The following ZC3HAV1L variants were observed in gnomAD, a reference collection of about 807,000 sequenced individuals.
ZC3HAV1L encodes the protein ZC3HAV1 like.
ZC3HAV1L carries 23 observed loss-of-function variants against 28.2 expected under a neutral mutation model. The ratio of observed to expected loss-of-function variants is 0.82; its 90% CI spans 0.59 to 1.16. The LOEUF (loss-of-function observed/expected upper bound fraction) is 1.16. ZC3HAV1L is among the 50% of genes most tolerant of loss of function. The pLI is 0.00. For synonymous variants in ZC3HAV1L, 180 were observed against 163.4 expected (o/e 1.10, Z -0.78); for missense variants, 376 against 387.7 (o/e 0.97, Z 0.25).
intron 2 of ZC3HAV1L, among the ~76,000 whole-genome samples, chr7:139,033,366 C>T (rs1476550086): frequency 6.6e-6 from 1 of 152,118 alleles, no homozygotes; most frequent in African/African-American, 2.4e-5. Context: ...GAAATTTGTC[C>T]ATCAATGCAC....
At chr7:139,030,041 T>G (rs375819310) in intron 2 of ZC3HAV1L, among the ~76,000 whole-genome samples, 32 of 152,332 alleles carry the variant, frequency 2.1e-4, no homozygotes, top group Non-Finnish European at 4.7e-4. Flanking sequence ...GAAATAGAAC[T>G]GTCCAGGTTT....
In ZC3HAV1L at chr7:139,035,793, G is replaced by A. The variant is rs1389615990; in HGVS notation, c.225C>T (p.Gly75=). 7.4e-6 allele frequency: 11 copies of A among 1,490,162 alleles called. No individual in the cohort carries two copies. The Admixed American group carries it at 9.0e-5, about 12-fold the overall frequency. 92.3% of individuals were successfully genotyped at this position (1,490,162 alleles called of 1,614,324 possible). ...AEAAAGAVGG[G]GTSAWRVVAV... ...CCACCACCCTCCAGGCGGAGGTGCC[G>A]CCACCGCCCACCGCGCCGGCCGCCG... The change falls in exon 1 of 5, where the codon GGC becomes GGT. Residue 75 remains glycine, a synonymous_variant. Transcript: ENST00000275766.
intron 2 of ZC3HAV1L, chr7:139,033,912 G>A (rs1815612881): frequency 2.0e-6 from 2 of 985,356 alleles, no homozygotes; most frequent in Non-Finnish European, 2.4e-6. Flanking sequence ...AACATGGTTG[G>A]TTGGAATGCC....
intron 1 of ZC3HAV1L, 135 bp downstream of exon 1, chr7:139,035,518 C>T: frequency 1.5e-6 from 2 of 1,311,142 alleles, no homozygotes; most frequent in Non-Finnish European, 1.9e-6. Context: ...GAAAGGCCTG[C>T]GGGAGGGGGT....
chr7:139,032,268 G>A (rs923772387), intron 2 of ZC3HAV1L, among the ~76,000 whole-genome samples: 18 of 152,062 alleles, frequency 1.2e-4, no homozygotes, highest in African/African-American at 2.4e-4. Context: ...TATGTAGGTC[G>A]AAGGGAACAA....
At chr7:139,023,107 G>A (rs1053227265), downstream of ZC3HAV1L, among the ~76,000 whole-genome samples, 3 of 150,338 alleles carry the variant, frequency 2.0e-5, no homozygotes, top group East Asian at 1.9e-4. Flanking sequence ...CCTGGGAGAC[G>A]GAGGTTGCAG....
downstream of ZC3HAV1L, among the ~76,000 whole-genome samples, chr7:139,025,318 C>G (rs767922615): frequency 6.6e-6 from 1 of 152,064 alleles, no homozygotes; most frequent in African/African-American, 2.4e-5. Flanking sequence ...CGTGGTGGCT[C>G]ATGCCTGTAA....
chr7:139,032,382 C>T (rs1815559847), intron 2 of ZC3HAV1L, among the ~76,000 whole-genome samples: 1 of 152,054 alleles, frequency 6.6e-6, no homozygotes, highest in African/African-American at 2.4e-5. Context: ...CACCTATAAT[C>T]CCAGCACTCT....
At chr7:139,031,922 A>C (rs985384277) in intron 2 of ZC3HAV1L, among the ~76,000 whole-genome samples, 1 of 151,932 alleles carries the variant, frequency 6.6e-6, no homozygotes, top group South Asian at 2.1e-4. Flanking sequence ...CAAAACAAAA[A>C]AAAGTAGCTG....
At chr7:139,029,027 G>C (rs1815445760) in intron 2 of ZC3HAV1L, 67 bp from the exon 3 acceptor site, 1 of 1,519,554 alleles carries the variant, frequency 6.6e-7, no homozygotes, top group South Asian at 1.3e-5. Flanking sequence ...CGGGGAGATG[G>C]AGTCTCGCTC....
chr7:139,024,601 G>A (rs199827468), downstream of ZC3HAV1L, among the ~76,000 whole-genome samples: 24 of 152,184 alleles, frequency 1.6e-4, 1 homozygote, highest in East Asian at 1.9e-3. Context: ...CAGAAATATC[G>A]TTGACAATGA....
intron 2 of ZC3HAV1L, among the ~76,000 whole-genome samples, chr7:139,029,337 AG>A (rs1397349163): frequency 6.6e-6 from 1 of 152,180 alleles, no homozygotes; most frequent in African/African-American, 2.4e-5. Context: ...TTAAGCCAAA[AG>A]ACTATAGCTT....
intron 1 of ZC3HAV1L, chr7:139,035,195 C>A (rs1403657450): frequency 1.0e-6 from 1 of 985,196 alleles, no homozygotes; most frequent in East Asian, 1.1e-4. Context: ...TGGCTCAGCG[C>A]TGTTAAACCT....
chr7:139,033,301 C>T (rs985526268), intron 2 of ZC3HAV1L, among the ~76,000 whole-genome samples: 1 of 152,018 alleles, frequency 6.6e-6, no homozygotes, highest in African/African-American at 2.4e-5. Context: ...TTTTATGACA[C>T]TATTTTGGCT....
intron 4 of ZC3HAV1L, 34 bp downstream of exon 4, chr7:139,026,674 T>G (rs1376422551): frequency 3.7e-6 from 6 of 1,612,610 alleles, no homozygotes; most frequent in African/African-American, 2.7e-5. Flanking sequence ...TGGACAAGCT[T>G]CTTCTTAGTT....
At chr7:139,032,657 AAAAAT>A (rs1275608895) in intron 2 of ZC3HAV1L, among the ~76,000 whole-genome samples, 3 of 150,404 alleles carry the variant, frequency 2.0e-5, no homozygotes, top group South Asian at 2.1e-4. Context: ...AAATAAAAAT[AAAAAT>A]AAAATAAAAT....
downstream of ZC3HAV1L, among the ~76,000 whole-genome samples, chr7:139,023,841 G>C (rs1018251093): frequency 3.9e-5 from 6 of 152,110 alleles, no homozygotes; most frequent in Non-Finnish European, 8.8e-5. Flanking sequence ...TTTGAAACAA[G>C]GCAGTATGTA....
At chr7:139,028,383 A>AAAAAG (rs397958327) in intron 3 of ZC3HAV1L, among the ~76,000 whole-genome samples, 3 of 150,814 alleles carry the variant, frequency 2.0e-5, no homozygotes, top group Non-Finnish European at 4.4e-5. Flanking sequence ...AAAAAAAAAA[A>AAAAAG]CAAAAACAAA....
intron 2 of ZC3HAV1L, among the ~76,000 whole-genome samples, chr7:139,030,178 C>G (rs11768724): frequency 0.49 from 73,888 of 152,074 alleles, 18,438 homozygotes; most frequent in Non-Finnish European, 0.52. Context: ...GGGCGCGGTG[C>G]CTCACACCTG....
Sources: gnomAD v4.1 joint callset for allele counts (sites outside exome capture counted in the v4.1 genomes callset) on GRCh38, gnomAD v4.1.1 for gene constraint, MANE v1.5 for transcripts, NCBI Gene and HGNC (gene_info 2026-07-23, HGNC 2026-07-21) for gene names.